PDE4D: variants seen among roughly 807,000 people sequenced by gnomAD.
PDE4D encodes 3',5'-cyclic-AMP phosphodiesterase 4D.
In PDE4D, 24 loss-of-function variants were observed where a neutral mutation model predicts 87.4. The observed-to-expected ratio is 0.27, with a 90% CI of 0.20 to 0.39. The LOEUF (loss-of-function observed/expected upper bound fraction) is 0.39. Among genes scored for constraint, PDE4D ranks in the 10% least tolerant of loss-of-function variants. The pLI is 1.00. For missense variants in PDE4D, 714 were observed against 1,041.0 expected, an observed-to-expected ratio of 0.69 and a Z score of 4.32; for synonymous variants, 384 against 383.2, an observed-to-expected ratio of 1.00 and a Z score of -0.02.
chr5:60,328,743 A>G (rs1189907651), intron 1 of PDE4D, among the ~76,000 whole-genome samples: 1 of 152,240 alleles, frequency 6.6e-6, no homozygotes, highest in African/African-American at 2.4e-5. Flanking sequence ...GAATGGCAGA[A>G]TATGTACCCC....
At chr5:59,011,185 G>T (rs900227555) in intron 6 of PDE4D, among the ~76,000 whole-genome samples, 1 of 152,106 alleles carries the variant, frequency 6.6e-6, no homozygotes, top group Non-Finnish European at 1.5e-5. Context: ...CCACAAAGAT[G>T]GGGAGAAACC....
chr5:59,648,108 C>T (rs959073721), intron 1 of PDE4D, among the ~76,000 whole-genome samples: 3 of 152,120 alleles, frequency 2.0e-5, no homozygotes, highest in African/African-American at 7.2e-5. Context: ...AACACACAAA[C>T]CTTTTAGAAA....
At chr5:60,393,816 C>T (rs1051506601) in intron 1 of PDE4D, among the ~76,000 whole-genome samples, 7 of 152,152 alleles carry the variant, frequency 4.6e-5, no homozygotes, top group African/African-American at 1.7e-4. Context: ...GTCCATTTTT[C>T]TTTGCCAACA....
rs147003331 is a variant in PDE4D, at chr5:60,301,394, G to A, written c.-89-115707C>T. ...TTATGTCTGATTTCTTTGAGCATTGGTTTGTAGTTCTCCTTGAAGAGGTCC... is the reference window on the plus strand; with the variant it reads ...TTATGTCTGATTTCTTTGAGCATTGATTTGTAGTTCTCCTTGAAGAGGTCC... On this transcript the variant is annotated intron_variant, in intron 1 of 16. Coordinates refer to the PDE4D transcript ENST00000502484. 2.4e-4 allele frequency among the ~76,000 whole-genome samples: 36 copies of A among 152,232 alleles called. 1 individual carries two copies. In the East Asian group the frequency reaches 6.9e-3, roughly 29 times the overall value.
rs56100725 is a variant in PDE4D, at chr5:59,502,663, AGTGTGTGTGTGTGT to A, written c.456-286709_456-286696del. 7.3e-4 allele frequency among the ~76,000 whole-genome samples: 99 copies of A among 135,254 alleles called. No individual in the cohort carries two copies. In the Middle Eastern group the frequency reaches 0.011, roughly 16 times the overall value. 88.7% of individuals were successfully genotyped at this position (135,254 alleles called of 152,430 possible). A position where few individuals can be genotyped will look rare whatever the true frequency, so the allele number is the denominator to read the frequency against. Reference sequence around the variant, plus strand: ...AGATAATTTCTTTATTCCTTAAGGTAGTGTGTGTGTGTGTGTGTGTGTGTGTGTGTGTGTGTGTG... The same window carrying A: ...AGATAATTTCTTTATTCCTTAAGGTAGTGTGTGTGTGTGTGTGTGTGTGTG... On this transcript the variant is annotated intron_variant, in intron 1 of 14. Coordinates refer to ENST00000340635, the MANE Select transcript of PDE4D (RefSeq NM_001104631.2).
chr5:59,787,934 G>A (rs1765349831), intron 1 of PDE4D, among the ~76,000 whole-genome samples: 1 of 152,144 alleles, frequency 6.6e-6, no homozygotes. Flanking sequence ...CCAAAAGCTG[G>A]GAATGATGCT....
At chr5:60,050,971 T>C (rs35474205) in intron 2 of PDE4D, among the ~76,000 whole-genome samples, 21,474 of 152,170 alleles carry the variant, frequency 0.14, 1,560 homozygotes, top group Middle Eastern at 0.22. Flanking sequence ...AAGGGATCAA[T>C]GCAACAAGAA....
At chr5:59,156,374 T>A (rs1404116245) in intron 5 of PDE4D, among the ~76,000 whole-genome samples, 5 of 147,664 alleles carry the variant, frequency 3.4e-5, no homozygotes, top group African/African-American at 5.0e-5. Flanking sequence ...TGTGTGTGTG[T>A]GTCTTATTCT....
chr5:59,351,103 G>C (rs531490739), intron 1 of PDE4D, among the ~76,000 whole-genome samples: 2 of 152,192 alleles, frequency 1.3e-5, no homozygotes, highest in African/African-American at 4.8e-5. Flanking sequence ...TGCTATGAAA[G>C]AGTTGGCAGG....
In PDE4D at chr5:59,268,797, G is replaced by A. The variant is rs550607900; in HGVS notation, c.456-52829C>T. 9.9e-5 allele frequency among the ~76,000 whole-genome samples: 15 copies of A among 151,816 alleles called. No individual in the cohort carries two copies. In the South Asian group the frequency reaches 1.5e-3, roughly 15 times the overall value. ...ATTATTGGGAATATTTATACATATC[G>A]CTCAGCATCTTTCCCTAAAAAGCTT... On this transcript the variant is annotated intron_variant, in intron 1 of 14. Coordinates refer to ENST00000340635, the MANE Select transcript of PDE4D (RefSeq NM_001104631.2).
intron 1 of PDE4D, among the ~76,000 whole-genome samples, chr5:59,616,486 A>G (rs1829686625): frequency 6.6e-6 from 1 of 152,156 alleles, no homozygotes; most frequent in Non-Finnish European, 1.5e-5. Flanking sequence ...ACTCTGTGAT[A>G]AATATAATGT....
chr5:59,577,797 G>T (rs1251146166), intron 1 of PDE4D, among the ~76,000 whole-genome samples: 1 of 152,022 alleles, frequency 6.6e-6, no homozygotes, highest in African/African-American at 2.4e-5. Context: ...ATCCTCCAGG[G>T]TTTATTCTCA....
At chr5:58,997,874 A>G (rs1311178731) in intron 6 of PDE4D, among the ~76,000 whole-genome samples, 5 of 152,188 alleles carry the variant, frequency 3.3e-5, no homozygotes, top group Non-Finnish European at 7.4e-5. Flanking sequence ...CTAAAATAAT[A>G]AAACAAAATG....
intron 1 of PDE4D, among the ~76,000 whole-genome samples, chr5:59,347,664 T>C (rs1779827416): frequency 1.3e-5 from 2 of 152,180 alleles, no homozygotes; most frequent in African/African-American, 4.8e-5. Context: ...AACAATGTAA[T>C]AGAAAGTATA....
intron 2 of PDE4D, among the ~76,000 whole-genome samples, chr5:59,203,319 T>C (rs967682346): frequency 1.3e-5 from 2 of 151,858 alleles, no homozygotes; most frequent in Non-Finnish European, 2.9e-5. Flanking sequence ...TAGTTTTTTT[T>C]TAATCAAAAA....
chr5:60,239,598 T>G (rs1293160258), intron 1 of PDE4D, among the ~76,000 whole-genome samples: 1 of 152,162 alleles, frequency 6.6e-6, no homozygotes, highest in Non-Finnish European at 1.5e-5. Context: ...ATCATCTTCT[T>G]TGTGTCTTAC....
intron 1 of PDE4D, among the ~76,000 whole-genome samples, chr5:60,265,946 G>GA (rs1750163113): frequency 6.6e-6 from 1 of 152,122 alleles, no homozygotes; most frequent in Admixed American, 6.5e-5. Context: ...ACAAGAACAG[G>GA]ACAGAAGCTA....
intron 1 of PDE4D, among the ~76,000 whole-genome samples, chr5:59,276,690 T>C (rs1264020370): frequency 1.3e-5 from 2 of 152,104 alleles, no homozygotes; most frequent in Non-Finnish European, 2.9e-5. Context: ...CACAATGTTT[T>C]CTAAACCTTA....
intron 1 of PDE4D, among the ~76,000 whole-genome samples, chr5:59,696,260 AT>A (rs1751761377): frequency 6.6e-6 from 1 of 152,168 alleles, no homozygotes; most frequent in African/African-American, 2.4e-5. Context: ...AACTCAGGCC[AT>A]TTTTCCAGAG....
Sources: gnomAD v4.1 joint callset for allele counts (sites outside exome capture counted in the v4.1 genomes callset) on GRCh38, gnomAD v4.1.1 for gene constraint, MANE v1.5 for transcripts, NCBI Gene and HGNC (gene_info 2026-07-23, HGNC 2026-07-21) for gene names.